CTNNA3: variants seen among roughly 807,000 people sequenced by gnomAD.
CTNNA3 encodes the protein catenin alpha-3.
CTNNA3 carries 76 observed loss-of-function variants against 95.7 expected under a neutral mutation model. The observed-to-expected ratio is 0.79, with a 90% confidence interval of 0.66 to 0.96. The LOEUF (loss-of-function observed/expected upper bound fraction) is 0.96, where lower values mean the gene tolerates loss of function less well. Among genes scored for constraint, CTNNA3 ranks in the 40% least tolerant of loss-of-function variants. The pLI is 0.00. For missense variants in CTNNA3, 1,191 were observed against 1,089.8 expected (o/e 1.09, Z -1.31); for synonymous variants, 431 against 374.4 (o/e 1.15, Z -1.74).
intron 3 of CTNNA3, among the ~76,000 whole-genome samples, chr10:67,570,739 T>C (rs539356920): frequency 5.3e-5 from 8 of 152,320 alleles, no homozygotes; most frequent in African/African-American, 1.7e-4. Context: ...ACATAGTTGA[T>C]TATTTTCTCT....
intron 15 of CTNNA3, among the ~76,000 whole-genome samples, chr10:66,003,477 A>G (rs907437551): frequency 6.6e-6 from 1 of 152,186 alleles, no homozygotes. Flanking sequence ...TTAGTGTTGT[A>G]ACAAATCCTA....
chr10:66,116,943 C>A lies in CTNNA3; in HGVS notation c.1885-13694G>T, dbSNP rs555579294. Reference sequence around the variant, plus strand: ...GCACACACGATTCAATCACCACCCCCCCAGGCCCCTCCTCCAACACATGTG... The same window carrying A: ...GCACACACGATTCAATCACCACCCCACCAGGCCCCTCCTCCAACACATGTG... On this transcript the variant is annotated intron_variant, in intron 13 of 17. Coordinates refer to ENST00000433211, the MANE Select transcript of CTNNA3 (RefSeq NM_013266.4). Among the ~76,000 whole-genome samples the A allele has an allele frequency of 2.8e-4, 42 of 152,288 alleles. No homozygotes were observed. In the South Asian group the frequency reaches 7.5e-3, roughly 27 times the overall value.
At chr10:66,394,956 A>G (rs2092964199) in intron 11 of CTNNA3, among the ~76,000 whole-genome samples, 1 of 152,056 alleles carries the variant, frequency 6.6e-6, no homozygotes, top group Non-Finnish European at 1.5e-5. Flanking sequence ...AAATGTACAG[A>G]TAAAATTAAG....
At chr10:67,247,927 A>G (rs999708946) in intron 5 of CTNNA3, among the ~76,000 whole-genome samples, 1 of 152,232 alleles carries the variant, frequency 6.6e-6, no homozygotes, top group Non-Finnish European at 1.5e-5. Context: ...AGACAGACAT[A>G]TAGATCAATG....
chr10:67,614,834 G>C (rs1843594082), intron 2 of CTNNA3, among the ~76,000 whole-genome samples: 2 of 152,146 alleles, frequency 1.3e-5, no homozygotes, highest in Non-Finnish European at 2.9e-5. Flanking sequence ...GGTGTCAACA[G>C]GTTTGGTTTC....
At chr10:67,075,230 T>C (rs1242433992) in intron 7 of CTNNA3, among the ~76,000 whole-genome samples, 1 of 151,814 alleles carries the variant, frequency 6.6e-6, no homozygotes, top group Non-Finnish European at 1.5e-5. Flanking sequence ...TGAACAATTT[T>C]AAAGAAAAAT....
intron 7 of CTNNA3, among the ~76,000 whole-genome samples, chr10:66,879,954 A>G (rs1486794063): frequency 6.6e-6 from 1 of 152,104 alleles, no homozygotes; most frequent in Non-Finnish European, 1.5e-5. Flanking sequence ...AGTATACATA[A>G]TCAATGCTGG....
At chr10:66,240,768 G>A (rs2090070819) in intron 13 of CTNNA3, among the ~76,000 whole-genome samples, 1 of 151,950 alleles carries the variant, frequency 6.6e-6, no homozygotes, top group South Asian at 2.1e-4. Context: ...ACCAAAGGAT[G>A]AATTTTGAGT....
chr10:67,393,258 A>G (rs1257294671), intron 5 of CTNNA3, among the ~76,000 whole-genome samples: 1 of 152,100 alleles, frequency 6.6e-6, no homozygotes, highest in Non-Finnish European at 1.5e-5. Flanking sequence ...TACTCATACC[A>G]TCATTGTTGA....
chr10:66,052,250 G>GT (rs1252353829), intron 15 of CTNNA3, among the ~76,000 whole-genome samples: 1 of 152,158 alleles, frequency 6.6e-6, no homozygotes, highest in East Asian at 1.9e-4. Context: ...CAATTGACCA[G>GT]TGAAATCATG....
chr10:66,072,802 T>C (rs998247110), intron 14 of CTNNA3, among the ~76,000 whole-genome samples: 8 of 152,140 alleles, frequency 5.3e-5, no homozygotes, highest in African/African-American at 1.9e-4. Context: ...CTTTTAACTT[T>C]CTTCATTATC....
intron 10 of CTNNA3, among the ~76,000 whole-genome samples, chr10:66,581,498 A>G (rs1843187698): frequency 6.6e-6 from 1 of 151,294 alleles, no homozygotes; most frequent in African/African-American, 2.4e-5. Context: ...TTTCCTTGAC[A>G]ATTAGTGATG....
chr10:66,296,407 C>A (rs888290823), intron 12 of CTNNA3, among the ~76,000 whole-genome samples: 2 of 152,068 alleles, frequency 1.3e-5, no homozygotes, highest in South Asian at 2.1e-4. Context: ...AACAAAAGCA[C>A]GAAATTCTGT....
chr10:67,356,989 G>A (rs1459187982), intron 5 of CTNNA3, among the ~76,000 whole-genome samples: 1 of 152,080 alleles, frequency 6.6e-6, no homozygotes, highest in Non-Finnish European at 1.5e-5. Flanking sequence ...CATTTCTGCA[G>A]TCAATTCATT....
chr10:66,340,891 T>C lies in CTNNA3; in HGVS notation c.1732+38261A>G, dbSNP rs1159381197. ...AACTCAGATCTGCAGACTCGATATA[T>C]AGTGTTGGTAGTAAAAATTATGCTC... On this transcript the variant is annotated intron_variant, in intron 12 of 17. Transcript: ENST00000433211. Among the ~76,000 whole-genome samples, 4 of 151,830 alleles carry C rather than the reference T, an allele frequency of 2.6e-5. No homozygotes were observed. In the South Asian group the frequency reaches 8.3e-4, roughly 31 times the overall value.
At chr10:66,952,223 A>G (rs1268840242) in intron 7 of CTNNA3, among the ~76,000 whole-genome samples, 1 of 152,214 alleles carries the variant, frequency 6.6e-6, no homozygotes, top group Non-Finnish European at 1.5e-5. Context: ...ATCCAAAATG[A>G]AAAGAATACT....
At chr10:67,343,295 T>C (rs2132620860) in intron 5 of CTNNA3, among the ~76,000 whole-genome samples, 1 of 152,278 alleles carries the variant, frequency 6.6e-6, no homozygotes, top group East Asian at 1.9e-4. Flanking sequence ...GTGAAGAATG[T>C]CATTGGTGTT....
intron 5 of CTNNA3, among the ~76,000 whole-genome samples, chr10:67,498,583 A>G (rs1839112925): frequency 6.6e-6 from 1 of 152,164 alleles, no homozygotes; most frequent in African/African-American, 2.4e-5. Context: ...ATGTTTTTCC[A>G]TTTGTTTGTG....
chr10:66,768,772 A>T (rs1226545348), intron 8 of CTNNA3, among the ~76,000 whole-genome samples: 1 of 69,136 alleles, frequency 1.4e-5, no homozygotes, highest in East Asian at 6.6e-4. Context: ...AGAAAAACTT[A>T]GAGACTGACA....
Sources: allele counts gnomAD v4.1 joint callset (sites outside exome capture counted in the v4.1 genomes callset), GRCh38; gene constraint gnomAD v4.1.1; transcripts MANE v1.5; gene names NCBI Gene and HGNC (gene_info 2026-07-23, HGNC 2026-07-21).